The following SPAST variants were observed in gnomAD, a reference collection of about 807,000 sequenced individuals.
SPAST encodes spastic paraplegia 4 (autosomal dominant; spastin).
Under a neutral mutation model 76.6 loss-of-function variants are expected in SPAST, and 30 were observed. That is an observed-to-expected ratio of 0.39 (90% CI 0.29 to 0.53). The LOEUF is 0.53. SPAST is among the 20% of genes least tolerant of loss of function. The pLI is 0.68. For synonymous variants in SPAST, 305 were observed against 281.0 expected, an observed-to-expected ratio of 1.09 and a Z score of -0.86; for missense variants, 717 against 770.5, an observed-to-expected ratio of 0.93 and a Z score of 0.82.
chr2:32,079,107 T>C (rs943733009), intron 1 of SPAST, among the ~76,000 whole-genome samples: 2 of 152,028 alleles, frequency 1.3e-5, no homozygotes, highest in African/African-American at 4.8e-5. Context: ...TCCCGAAGTG[T>C]TGAGAGAACA....
chr2:32,145,946 G>A (rs2148761673), intron 15 of SPAST, among the ~76,000 whole-genome samples: 1 of 152,268 alleles, frequency 6.6e-6, no homozygotes, highest in East Asian at 1.9e-4. Context: ...TTATCATAGT[G>A]TCTACTGTAA....
At chr2:32,087,644 G>A in intron 2 of SPAST, 66 bp downstream of exon 2, 1 of 597,692 alleles carries the variant, frequency 1.7e-6, no homozygotes, top group South Asian at 2.5e-5. Context: ...CCAGATTTCA[G>A]ATCTATTTAT....
At chr2:32,152,345 A>T (rs1680115969) in intron 16 of SPAST, among the ~76,000 whole-genome samples, 1 of 152,134 alleles carries the variant, frequency 6.6e-6, no homozygotes, top group African/African-American at 2.4e-5. Context: ...AGGCCATTGG[A>T]TCCCTTGAGC....
intron 9 of SPAST, among the ~76,000 whole-genome samples, chr2:32,135,850 T>C (rs560322399): frequency 2.0e-5 from 3 of 152,230 alleles, no homozygotes; most frequent in African/African-American, 7.2e-5. Context: ...GGAAGAAGTT[T>C]TAAAGAAGGG....
chr2:32,082,992 G>A (rs2148704806), intron 1 of SPAST, among the ~76,000 whole-genome samples: 1 of 151,324 alleles, frequency 6.6e-6, no homozygotes, highest in East Asian at 1.9e-4. Flanking sequence ...TTTTTTTTGA[G>A]ATGGAGTCTT....
rs556508589 is a variant in SPAST at position 32,063,750 on chromosome 2, G to A, written c.-82G>A. ...CACACGGGGGTCTGTGGCCCCCGCC[G>A]TAGCAGTGGCTGCCGCCGTCGCTTG... On this transcript the variant is annotated 5_prime_UTR_variant, in exon 1 of 17. Coordinates refer to ENST00000315285, the MANE Select transcript of SPAST (RefSeq NM_014946.4). 1.6e-4 allele frequency: 241 copies of A among 1,515,318 alleles called. No individual in the cohort carries two copies. The African/African-American group carries it at 3.0e-3, about 19-fold the overall frequency. The allele number at this position is 1,515,318 out of a possible 1,614,324, so 93.9% of individuals were successfully genotyped here. A position where few individuals can be genotyped will look rare whatever the true frequency, so the allele number is the denominator to read the frequency against.
rs1366137625 is a variant in SPAST at position 32,063,631 on chromosome 2, G to A, written c.-201G>A. The A allele has an allele frequency of 3.2e-6, 2 of 627,556 alleles. No individual in the cohort carries two copies. Among genetic ancestry groups the A allele is most frequent in the African/African-American group, 2.0e-5 (1 of 50,852 alleles). The allele number at this position is 627,556 out of a possible 1,614,324, so 38.9% of individuals were successfully genotyped here. ...GGAGGGGCCCGAGCCACCGACTGCA[G>A]GAGGAGAAGGGGTTGTGCTCCTGGC... On this transcript the variant is annotated 5_prime_UTR_variant, in exon 1 of 17. Coordinates refer to ENST00000315285, the MANE Select transcript of SPAST (RefSeq NM_014946.4).
At chr2:32,117,381 C>T (rs1244525159) in intron 7 of SPAST, among the ~76,000 whole-genome samples, 1 of 151,636 alleles carries the variant, frequency 6.6e-6, no homozygotes, top group Admixed American at 6.6e-5. Flanking sequence ...TTGGAAATGC[C>T]GCTCAAAGAG....
intron 16 of SPAST, among the ~76,000 whole-genome samples, chr2:32,150,721 G>A (rs1445104606): frequency 1.3e-5 from 2 of 151,834 alleles, no homozygotes; most frequent in African/African-American, 2.4e-5. Context: ...GTGTGACACC[G>A]TGCCAGACTT....
At chr2:32,084,964 C>G (rs1015436683) in intron 1 of SPAST, among the ~76,000 whole-genome samples, 2 of 148,772 alleles carry the variant, frequency 1.3e-5, no homozygotes, top group African/African-American at 4.9e-5. Context: ...TCTTTTGTAT[C>G]TGTTACATTG....
At chr2:32,103,134 C>G (rs2148721071) in intron 4 of SPAST, among the ~76,000 whole-genome samples, 1 of 152,284 alleles carries the variant, frequency 6.6e-6, no homozygotes, top group Non-Finnish European at 1.5e-5. Flanking sequence ...ATTATTGCCT[C>G]AATTTCAGAG....
At chr2:32,142,349 A>C (rs1320043095) in intron 13 of SPAST, among the ~76,000 whole-genome samples, 1 of 152,242 alleles carries the variant, frequency 6.6e-6, no homozygotes, top group East Asian at 1.9e-4. Context: ...TAAGTGAAAG[A>C]AGCAAGATGA....
rs1043365382 is a variant in SPAST, at chr2:32,070,134, C to T, written c.415+5888C>T. On this transcript the variant is annotated intron_variant, in intron 1 of 16. Coordinates refer to ENST00000315285, the MANE Select transcript of SPAST (RefSeq NM_014946.4). Reference sequence around the variant, plus strand: ...ACGCTGGAGTGCAGTGGCGCAATCTCGGTTCACTGTAACCTCCACCTCCCG... The same window carrying T: ...ACGCTGGAGTGCAGTGGCGCAATCTTGGTTCACTGTAACCTCCACCTCCCG... Among the ~76,000 whole-genome samples, 18 of 150,640 alleles carry T rather than the reference C, an allele frequency of 1.2e-4. No individual in the cohort carries two copies. The East Asian group carries it at 2.9e-3, about 25-fold the overall frequency.
chr2:32,138,131 C>T (rs1158396452), intron 12 of SPAST, among the ~76,000 whole-genome samples: 3 of 152,242 alleles, frequency 2.0e-5, no homozygotes, highest in East Asian at 3.9e-4. Context: ...ACATGAAATG[C>T]ATGTCTTTTT....
At chr2:32,102,547 T>C (rs1378440488) in intron 4 of SPAST, among the ~76,000 whole-genome samples, 4 of 152,316 alleles carry the variant, frequency 2.6e-5, no homozygotes, top group East Asian at 1.9e-4. Context: ...TGTCTTGTGC[T>C]AGCTTTCAAA....
At chr2:32,084,677 GGAGTTT>G (rs1050510522) in intron 1 of SPAST, among the ~76,000 whole-genome samples, 4 of 151,380 alleles carry the variant, frequency 2.6e-5, no homozygotes, top group Non-Finnish European at 4.4e-5. Context: ...CCTGAGGTCG[GGAGTTT>G]GAGTCCAGCC....
intron 3 of SPAST, among the ~76,000 whole-genome samples, chr2:32,097,169 G>C (rs1037891185): frequency 2.6e-5 from 4 of 152,218 alleles, no homozygotes; most frequent in African/African-American, 4.8e-5. Flanking sequence ...GGGGAAGAGA[G>C]TGCAGCAGTA....
At chr2:32,144,239 A>T (rs1007325545) in intron 14 of SPAST, among the ~76,000 whole-genome samples, 3 of 152,284 alleles carry the variant, frequency 2.0e-5, no homozygotes, top group Admixed American at 6.5e-5. Context: ...CCCCTTATTT[A>T]AAAAAATGTA....
In SPAST at chr2:32,140,680, C is replaced by T. The variant is rs537119814; in HGVS notation, c.1494-1224C>T. On this transcript the variant is annotated intron_variant, in intron 12 of 16. Transcript: ENST00000315285. ...GTGGGTCACACCTGTAATCCCAGCA[C>T]TTTGGGAGGCCAGATCACTTGAGGC... 5.3e-5 allele frequency among the ~76,000 whole-genome samples: 8 copies of T among 151,886 alleles called. No homozygotes were observed. The South Asian group carries it at 1.7e-3, about 32-fold the overall frequency.
Sources: gnomAD v4.1 joint callset for allele counts (sites outside exome capture counted in the v4.1 genomes callset) on GRCh38, gnomAD v4.1.1 for gene constraint, MANE v1.5 for transcripts, NCBI Gene and HGNC (gene_info 2026-07-23, HGNC 2026-07-21) for gene names.